The following FAM81B variants were observed in gnomAD, a reference collection of about 807,000 sequenced individuals.
FAM81B encodes the protein protein FAM81B.
A neutral mutation model predicts 58.7 loss-of-function variants in FAM81B; 60 were observed. The ratio of observed to expected loss-of-function variants is 1.02; its 90% CI spans 0.83 to 1.27. FAM81B has a LOEUF of 1.27. FAM81B is among the 50% of genes most tolerant of loss of function. FAM81B has a pLI of 0.00. For synonymous variants in FAM81B, 189 were observed against 179.6 expected (o/e 1.05, Z -0.42); for missense variants, 491 against 522.0 (o/e 0.94, Z 0.58).
At chr5:95,413,882 G>A in intron 3 of FAM81B, 65 bp from the exon 4 acceptor site, 1 of 1,534,038 alleles carries the variant, frequency 6.5e-7, no homozygotes, top group Non-Finnish European at 8.7e-7. Context: ...TTCTAGTTCT[G>A]GTTCCTGGCT....
chr5:95,449,647 A>G (rs1367198118), intron 9 of FAM81B, among the ~76,000 whole-genome samples: 1 of 152,186 alleles, frequency 6.6e-6, no homozygotes, highest in Non-Finnish European at 1.5e-5. Context: ...GAGGTTTGAT[A>G]GGTCTGTGGT....
At chr5:95,417,878 T>C (rs1448858559) in intron 4 of FAM81B, among the ~76,000 whole-genome samples, 1 of 152,228 alleles carries the variant, frequency 6.6e-6, no homozygotes. Flanking sequence ...ACAAATGTTT[T>C]TTCAGTTTGC....
At chr5:95,435,144 T>C (rs1229126998) in intron 6 of FAM81B, among the ~76,000 whole-genome samples, 2 of 152,240 alleles carry the variant, frequency 1.3e-5, no homozygotes, top group Non-Finnish European at 2.9e-5. Flanking sequence ...GTAGAAAGCA[T>C]GGTCTGGACA....
At chr5:95,407,942 C>G (rs573828860) in intron 3 of FAM81B, among the ~76,000 whole-genome samples, 1 of 152,264 alleles carries the variant, frequency 6.6e-6, no homozygotes, top group South Asian at 2.1e-4. Context: ...ATCAGGAATT[C>G]TAGGATAGTT....
chr5:95,429,275 A>G (rs1311487483), intron 6 of FAM81B, among the ~76,000 whole-genome samples: 1 of 152,100 alleles, frequency 6.6e-6, no homozygotes, highest in African/African-American at 2.4e-5. Flanking sequence ...ACTCACACCA[A>G]GATATTACAC....
At chr5:95,422,902 T>C (rs1396934276) in intron 5 of FAM81B, among the ~76,000 whole-genome samples, 1 of 152,228 alleles carries the variant, frequency 6.6e-6, no homozygotes, top group Admixed American at 6.5e-5. Flanking sequence ...TCAAAAGCAG[T>C]GATTTTAGGA....
Position 95,420,373 on chromosome 5 carries a change from A to G in FAM81B, c.627A>G (p.Gly209=), listed in dbSNP as rs377033283. 1.1e-4 allele frequency: 175 copies of G among 1,613,740 alleles called. No homozygotes were observed. The highest frequency in any genetic ancestry group is 1.4e-4 in the Non-Finnish European group (164 of 1,179,764). Residue 209 remains glycine (G), a synonymous_variant, in exon 5 of 10, where the codon GGA becomes GGG. Coordinates refer to ENST00000283357, the MANE Select transcript of FAM81B (RefSeq NM_152548.3). ...VHEINIKHLQ[G]VGDLRGRVAR... ...AGATAAACATCAAACACCTACAAGG[A>G]GTTGGAGATCTTCGAGGAAGAGTAG...
At chr5:95,440,226 G>T in intron 7 of FAM81B, 1 of 674,244 alleles carries the variant, frequency 1.5e-6, no homozygotes, top group Admixed American at 1.8e-5. Context: ...TCTCGGTCTA[G>T]CTGTGAGGCT....
chr5:95,396,065 G>C, intron 2 of FAM81B, 46 bp from the exon 3 acceptor site: 1 of 1,439,852 alleles, frequency 6.9e-7, no homozygotes, highest in Admixed American at 1.8e-5. Flanking sequence ...GAAGTAATCT[G>C]TAAAGAAGCA....
Position 95,395,082 on chromosome 5 carries a change from A to G in FAM81B, c.229-1029A>G, listed in dbSNP as rs558627438. On this transcript the variant is annotated intron_variant, in intron 2 of 9. Transcript: ENST00000283357. ...TTCTCCATATTGAATCCAGTTCACC[A>G]ATAGGCTATTAAAATTAGGATAAAT... is the stretch of plus-strand genomic sequence containing the variant. Among the ~76,000 whole-genome samples the G allele has an allele frequency of 1.9e-4, 29 of 152,288 alleles. No homozygotes were observed. In the East Asian group the frequency reaches 4.2e-3, roughly 22 times the overall value.
intron 6 of FAM81B, among the ~76,000 whole-genome samples, chr5:95,433,049 C>A (rs989301404): frequency 3.9e-5 from 6 of 152,098 alleles, no homozygotes; most frequent in African/African-American, 1.4e-4. Flanking sequence ...CGGAGTTTAA[C>A]ATGTAGTATT....
intron 9 of FAM81B, among the ~76,000 whole-genome samples, chr5:95,449,325 G>A (rs990131624): frequency 2.0e-4 from 31 of 152,058 alleles, no homozygotes; most frequent in African/African-American, 7.0e-4. Flanking sequence ...CCCTCCCACC[G>A]TCATATCAAA....
rs1417661439 is a variant in FAM81B at position 95,446,448 on chromosome 5, T to TA, written c.894-113dup. 18 of 1,054,542 alleles carry TA rather than the reference T, an allele frequency of 1.7e-5. No homozygotes were observed. In the Admixed American group the frequency reaches 5.3e-4, roughly 31 times the overall value. The allele number at this position is 1,054,542 out of a possible 1,614,324, so 65.3% of individuals were successfully genotyped here. A position where few individuals can be genotyped will look rare whatever the true frequency, so the allele number is the denominator to read the frequency against. On this transcript the variant is annotated intron_variant, in intron 7 of 9. Coordinates refer to ENST00000283357, the MANE Select transcript of FAM81B (RefSeq NM_152548.3). The stretch of plus-strand genomic sequence containing the variant: ...GGCACCTCCCACATCACCCCACAAA[T>TA]ACTTGCTAGACACACTGAGTCTCGT...
At chr5:95,424,310 C>A in intron 5 of FAM81B, 1 of 1,028,406 alleles carries the variant, frequency 9.7e-7, no homozygotes, top group Non-Finnish European at 1.3e-6. Flanking sequence ...GACAGACAGA[C>A]AGATAATAGA....
chr5:95,404,934 G>A (rs551154945), intron 3 of FAM81B, among the ~76,000 whole-genome samples: 16 of 152,292 alleles, frequency 1.1e-4, no homozygotes, highest in African/African-American at 3.4e-4. Context: ...AGAATGGGAG[G>A]AAATGAGGTT....
At chr5:95,444,823 T>C (rs1745493977) in intron 7 of FAM81B, among the ~76,000 whole-genome samples, 1 of 152,190 alleles carries the variant, frequency 6.6e-6, no homozygotes, top group Admixed American at 6.5e-5. Flanking sequence ...GGTTTCATCA[T>C]CTAAGTCAGG....
At position 95,393,509 on chromosome 5, in the gene FAM81B, C is replaced by T. The variant is rs542700372; in HGVS notation, c.228+612C>T. Among the ~76,000 whole-genome samples the T allele has an allele frequency of 7.2e-5, 11 of 152,228 alleles. No individual in the cohort carries two copies. The East Asian group carries it at 2.1e-3, about 29-fold the overall frequency. On this transcript the variant is annotated intron_variant, in intron 2 of 9. Transcript: ENST00000283357. ...TCTTCTGTAAAATGGGTGAATTAGGCTTATCATACAAAGTTATTGTGGGTT... is the reference window on the plus strand; with the variant it reads ...TCTTCTGTAAAATGGGTGAATTAGGTTTATCATACAAAGTTATTGTGGGTT...
At chr5:95,446,951 TA>T (rs562369898) in intron 8 of FAM81B, among the ~76,000 whole-genome samples, 138 of 144,832 alleles carry the variant, frequency 9.5e-4, no homozygotes, top group Admixed American at 1.1e-3. Flanking sequence ...TTTTTTTTTT[TA>T]AAAAAAAAAA....
intron 5 of FAM81B, among the ~76,000 whole-genome samples, chr5:95,426,094 G>GTATACATATATA (rs1762818963): frequency 8.3e-6 from 1 of 120,180 alleles, no homozygotes; most frequent in Non-Finnish European, 1.7e-5. Context: ...ATCTCTGTGT[G>GTATACATATATA]TATATATATA....
Sources: allele counts gnomAD v4.1 joint callset (sites outside exome capture counted in the v4.1 genomes callset), GRCh38; gene constraint gnomAD v4.1.1; transcripts MANE v1.5; gene names NCBI Gene and HGNC (gene_info 2026-07-23, HGNC 2026-07-21).